The following OPCML variants were observed in gnomAD, a reference collection of about 807,000 sequenced individuals.
The protein encoded by OPCML is opioid binding protein/cell adhesion molecule like, also known as opioid-binding protein/cell adhesion molecule.
A neutral mutation model predicts 37.8 loss-of-function variants in OPCML; 13 were observed. That is an observed-to-expected ratio of 0.34 (90% CI 0.22 to 0.55). OPCML has a LOEUF of 0.55. OPCML is among the 20% of genes least tolerant of loss of function. The pLI is 0.91. For missense variants in OPCML, 341 were observed against 435.6 expected, an observed-to-expected ratio of 0.78 and a Z score of 1.93; for synonymous variants, 176 against 168.8, an observed-to-expected ratio of 1.04 and a Z score of -0.33.
intron 2 of OPCML, among the ~76,000 whole-genome samples, chr11:132,920,713 C>G (rs1324385519): frequency 6.6e-6 from 1 of 152,186 alleles, no homozygotes; most frequent in East Asian, 1.9e-4. Context: ...CTTTCGCACT[C>G]CCTGAAGGCA....
chr11:132,784,580 G>C (rs958515341), intron 2 of OPCML, among the ~76,000 whole-genome samples: 3 of 152,096 alleles, frequency 2.0e-5, no homozygotes, highest in African/African-American at 7.2e-5. Flanking sequence ...TGGTTCGAAT[G>C]CTTTGTCCCC....
intron 2 of OPCML, among the ~76,000 whole-genome samples, chr11:132,752,912 T>C (rs1945888093): frequency 6.6e-6 from 1 of 152,168 alleles, no homozygotes; most frequent in Admixed American, 6.5e-5. Flanking sequence ...TTCATTCCCA[T>C]CTCCACTATT....
intron 2 of OPCML, among the ~76,000 whole-genome samples, chr11:132,861,466 T>C (rs1428562448): frequency 6.6e-6 from 1 of 152,252 alleles, no homozygotes; most frequent in Non-Finnish European, 1.5e-5. Context: ...AATATACATA[T>C]GTACTTGCAT....
At chr11:133,432,881 C>T (rs1282950821) in intron 1 of OPCML, among the ~76,000 whole-genome samples, 2 of 152,054 alleles carry the variant, frequency 1.3e-5, no homozygotes, top group African/African-American at 4.8e-5. Context: ...TTGAGCCTAA[C>T]TACTTAATAA....
chr11:133,024,574 C>T (rs1291507054), intron 1 of OPCML: 1 of 985,186 alleles, frequency 1.0e-6, no homozygotes, highest in Admixed American at 6.1e-5. Context: ...AAGAACTACA[C>T]AGGGATTTTT....
intron 4 of OPCML, among the ~76,000 whole-genome samples, chr11:132,476,585 CA>C (rs1451510027): frequency 1.3e-5 from 2 of 152,146 alleles, no homozygotes; most frequent in East Asian, 3.9e-4. Context: ...CAAACTATCA[CA>C]AGGACAAAAA....
chr11:133,261,884 C>T (rs1220204897), intron 1 of OPCML, among the ~76,000 whole-genome samples: 1 of 152,092 alleles, frequency 6.6e-6, no homozygotes, highest in Non-Finnish European at 1.5e-5. Flanking sequence ...TGCAGGCTAA[C>T]CCAGTCATTA....
At chr11:133,050,563 C>T (rs2136964387) in intron 1 of OPCML, among the ~76,000 whole-genome samples, 1 of 152,154 alleles carries the variant, frequency 6.6e-6, no homozygotes, top group Non-Finnish European at 1.5e-5. Context: ...GAGGTGGAGC[C>T]CAGGGAGGAC....
chr11:132,630,450 C>A (rs76868199), intron 3 of OPCML, among the ~76,000 whole-genome samples: 2 of 152,062 alleles, frequency 1.3e-5, no homozygotes, highest in Admixed American at 1.3e-4. Context: ...CCCATTAAAA[C>A]TGTACTTCAA....
chr11:132,482,066 A>T (rs1307530059), intron 4 of OPCML, among the ~76,000 whole-genome samples: 1 of 150,512 alleles, frequency 6.6e-6, no homozygotes, highest in Non-Finnish European at 1.5e-5. Flanking sequence ...AAATAACTAA[A>T]ATCAGAGCAG....
intron 1 of OPCML, among the ~76,000 whole-genome samples, chr11:132,980,053 G>A (rs1946549335): frequency 1.3e-5 from 2 of 152,282 alleles, no homozygotes; most frequent in South Asian, 4.1e-4. Context: ...TGAGTAGAGA[G>A]AGCAGAAGCC....
At position 133,422,387 on chromosome 11, in the gene OPCML, ATATATATG is replaced by A. The variant is rs199853024; in HGVS notation, c.61+109869_61+109876del. ...CTCAGACCAAAGACATTATATATATATATATATGTATATATGCGCCAGTTCAAACCCTT... is the reference window on the plus strand; with the variant it reads ...CTCAGACCAAAGACATTATATATATATATATATGCGCCAGTTCAAACCCTT... On this transcript the variant is annotated intron_variant, in intron 1 of 7. Transcript: ENST00000524381. The A allele has an allele frequency of 3.0e-4, 279 of 932,364 alleles. 22 individuals carry two copies. The East Asian group carries it at 0.021, about 71-fold the overall frequency. The allele number at this position is 932,364 out of a possible 1,614,324, so 57.8% of individuals were successfully genotyped here. A position where few individuals can be genotyped will look rare whatever the true frequency, so the allele number is the denominator to read the frequency against.
chr11:133,478,326 A>G (rs1947289184), intron 1 of OPCML, among the ~76,000 whole-genome samples: 1 of 152,148 alleles, frequency 6.6e-6, no homozygotes, highest in Admixed American at 6.5e-5. Context: ...CTTCCAGTAC[A>G]GAGAAGTTCC....
intron 1 of OPCML, among the ~76,000 whole-genome samples, chr11:132,968,426 T>G (rs2136746605): frequency 6.6e-6 from 1 of 152,330 alleles, no homozygotes; most frequent in Middle Eastern, 3.4e-3. Flanking sequence ...GAAAGGGGCC[T>G]GAGCATGCTC....
chr11:133,508,353 G>A (rs552709546), intron 1 of OPCML, among the ~76,000 whole-genome samples: 84 of 152,326 alleles, frequency 5.5e-4, no homozygotes, highest in South Asian at 1.2e-3. Context: ...CATTTTGAGT[G>A]AAAAGACTAA....
chr11:133,231,151 T>C (rs1320077683), intron 1 of OPCML, among the ~76,000 whole-genome samples: 1 of 152,190 alleles, frequency 6.6e-6, no homozygotes, highest in African/African-American at 2.4e-5. Context: ...GATATGATTT[T>C]CCTTCAAATG....
rs970156151 is a variant in OPCML at position 132,619,712 on chromosome 11, C to T, written c.379+37375G>A. Among the ~76,000 whole-genome samples, 9 of 149,132 alleles carry T rather than the reference C, an allele frequency of 6.0e-5. No individual in the cohort carries two copies. The East Asian group carries it at 7.8e-4, about 13-fold the overall frequency. On this transcript the variant is annotated intron_variant, in intron 3 of 7. Coordinates refer to ENST00000524381, the MANE Select transcript of OPCML (RefSeq NM_001012393.5). ...AAAAAAAAAAAAAAAATTAGCCGGG[C>T]GTGGTGGCGGGCGCCTGTAGTCCCA...
chr11:133,454,639 T>C (rs1439359603), intron 1 of OPCML, among the ~76,000 whole-genome samples: 4 of 152,076 alleles, frequency 2.6e-5, no homozygotes, highest in Non-Finnish European at 4.4e-5. Flanking sequence ...TTCCAGAGAA[T>C]AGAATAAAAG....
intron 2 of OPCML, among the ~76,000 whole-genome samples, chr11:132,690,664 G>A (rs1370988880): frequency 1.3e-5 from 2 of 152,166 alleles, no homozygotes; most frequent in African/African-American, 4.8e-5. Context: ...GGATGTTTGA[G>A]TGTGTACGTG....
Sources: gnomAD v4.1 joint callset for allele counts (sites outside exome capture counted in the v4.1 genomes callset) on GRCh38, gnomAD v4.1.1 for gene constraint, MANE v1.5 for transcripts, NCBI Gene and HGNC (gene_info 2026-07-23, HGNC 2026-07-21) for gene names.